Variants in IL16 observed in about 807,000 individuals in gnomAD.
The protein encoded by IL16 is pro-interleukin-16.
A neutral mutation model predicts 110.1 loss-of-function variants in IL16; 67 were observed. The observed-to-expected ratio is 0.61, with a 90% CI of 0.50 to 0.75. The LOEUF (loss-of-function observed/expected upper bound fraction) is 0.75. Ranked by LOEUF, IL16 falls within the 30% of genes least tolerant of loss-of-function variation. IL16 has a pLI of 0.00. For missense variants in IL16, 1,545 were observed against 1,655.0 expected (o/e 0.93, Z 1.15); for synonymous variants, 689 against 662.9 (o/e 1.04, Z -0.61).
chr15:81,294,745 A>C (rs17875492), intron 12 of IL16, among the ~76,000 whole-genome samples: 22,387 of 152,092 alleles, frequency 0.15, 2,043 homozygotes, highest in African/African-American at 0.26. Context: ...GCACGACATA[A>C]TTTTATTGGG....
chr15:81,210,149 T>C (rs1020853661), intron 1 of IL16, among the ~76,000 whole-genome samples: 6 of 152,230 alleles, frequency 3.9e-5, no homozygotes, highest in African/African-American at 1.4e-4. Context: ...TGGTTTTTGC[T>C]GGCGTTGTTG....
Position 81,273,792 on chromosome 15 carries a change from C to A in IL16, c.790+588C>A, listed in dbSNP as rs371753947. Among the ~76,000 whole-genome samples the A allele has an allele frequency of 4.6e-5, 7 of 152,060 alleles. No homozygotes were observed. In the East Asian group the frequency reaches 9.6e-4, roughly 21 times the overall value. ...GGGACCCTCTCTTCCACTCCCCACC[C>A]ACCTTTCTTCCATCAACCCACCCCC... On this transcript the variant is annotated intron_variant, in intron 6 of 18. Transcript: ENST00000683961.
intron 2 of IL16, among the ~76,000 whole-genome samples, chr15:81,235,435 G>A (rs1177306272): frequency 6.6e-6 from 1 of 152,058 alleles, no homozygotes; most frequent in African/African-American, 2.4e-5. Flanking sequence ...TTAACAACCA[G>A]ATCTCATGTG....
At chr15:81,226,951 A>G (rs1317799401) in intron 2 of IL16, among the ~76,000 whole-genome samples, 16 of 152,250 alleles carry the variant, frequency 1.1e-4, no homozygotes, top group Non-Finnish European at 2.4e-4. Context: ...GAATCCTAGA[A>G]TGGATTATTC....
intron 6 of IL16, among the ~76,000 whole-genome samples, chr15:81,274,324 T>C (rs1898796500): frequency 6.6e-6 from 1 of 152,236 alleles, no homozygotes; most frequent in Non-Finnish European, 1.5e-5. Flanking sequence ...TATTTTATGA[T>C]ATGTGGAAAT....
Position 81,225,679 on chromosome 15 carries a change from G to T in IL16, c.280G>T (p.Gly94Cys). 6.2e-7 allele frequency: 1 copy of T among 1,613,428 alleles called. No homozygotes were observed. ...AQLQAAGNDR[G>C]KTCRRIFFMK... Reference sequence around the variant, plus strand: ...ACTCCAAGCAGCTGGGAATGATCGAGGCAAGACCTGTAGGAGGATATTCTT... The same window carrying T: ...ACTCCAAGCAGCTGGGAATGATCGATGCAAGACCTGTAGGAGGATATTCTT... The change falls in exon 2 of 19, where the codon GGC becomes TGC. Residue 94 changes from glycine to cysteine, a missense_variant. Transcript: ENST00000683961.
chr15:81,292,445 A>C (rs765359090), intron 11 of IL16, 111 bp from the exon 12 acceptor site: 1 of 1,474,580 alleles, frequency 6.8e-7, no homozygotes. Flanking sequence ...TCAGATAAGA[A>C]GCAGATGGCC....
rs571040875 is a variant in IL16 at position 81,222,236 on chromosome 15, T to C, written c.-101-3063T>C. Among the ~76,000 whole-genome samples, 23 of 152,088 alleles carry C rather than the reference T, an allele frequency of 1.5e-4. No individual in the cohort carries two copies. The South Asian group carries it at 4.8e-3, about 32-fold the overall frequency. ...GGATGAAGGGGGCAGAGTTGAGGCC[T>C]TGACTGGGTATGATGGCTTCTCTCC... On this transcript the variant is annotated intron_variant, in intron 1 of 18. Coordinates refer to ENST00000683961, the MANE Select transcript of IL16 (RefSeq NM_172217.5).
chr15:81,243,367 TAGAG>T (rs1445592335), intron 2 of IL16, among the ~76,000 whole-genome samples: 1 of 150,624 alleles, frequency 6.6e-6, no homozygotes, highest in Admixed American at 6.6e-5. Context: ...GTTTTTTTTG[TAGAG>T]AGAGAATTTT....
intron 6 of IL16, among the ~76,000 whole-genome samples, chr15:81,277,767 A>G (rs1430350753): frequency 2.0e-5 from 3 of 152,204 alleles, no homozygotes; most frequent in Non-Finnish European, 2.9e-5. Flanking sequence ...ATCATATACA[A>G]TGGAACCATG....
In IL16 at chr15:81,292,624, G is replaced by C; in HGVS notation, c.1489G>C (p.Ala497Pro). Residue 497 changes from alanine (A) to proline (P), a missense_variant, in exon 12 of 19, where the codon GCA (alanine) becomes CCA (proline). Ala to Pro is a conservative substitution (Grantham distance 27, BLOSUM62 -1). Around this residue, in one of 3 missense-constraint regions of IL16, gnomAD observed 1,185 missense variants for 1,238.8 expected, o/e 0.96. Transcript: ENST00000683961. ...TLEKEREKNS[A>P]PPHRRAQKVM... ...GGAGAAGGAACGAGAGAAGAACTCA[G>C]CACCCCCGCATCGCAGGGCTCAGAA... 6.2e-7 allele frequency: 1 copy of C among 1,610,422 alleles called. No individual in the cohort carries two copies. Among genetic ancestry groups the C allele is most frequent in the Non-Finnish European group, 8.5e-7 (1 of 1,177,006 alleles).
In IL16 at chr15:81,265,280, G is replaced by T. The variant is rs146627793; in HGVS notation, c.422-379G>T. Among the ~76,000 whole-genome samples, 1,009 of 152,214 alleles carry T rather than the reference G, an allele frequency of 6.6e-3. 16 individuals are homozygous for T. Among genetic ancestry groups the T allele is most frequent in the African/African-American group, 0.023 (940 of 41,528 alleles). ...TTTGTGCTTGTCCTCGGAAACCTTT[G>T]TGTTTTCCTCCTTTCTCTCCTTGGT... On this transcript the variant is annotated intron_variant, in intron 3 of 18. Coordinates refer to ENST00000683961, the MANE Select transcript of IL16 (RefSeq NM_172217.5).
At chr15:81,257,997 G>C (rs577785014) in intron 2 of IL16, among the ~76,000 whole-genome samples, 4 of 151,996 alleles carry the variant, frequency 2.6e-5, no homozygotes, top group African/African-American at 7.2e-5. Context: ...CACACACACA[G>C]ACACACACAC....
upstream of IL16, among the ~76,000 whole-genome samples, chr15:81,192,094 T>C (rs1222713634): frequency 6.6e-6 from 1 of 152,182 alleles, no homozygotes; most frequent in Non-Finnish European, 1.5e-5. Context: ...CACAACACAA[T>C]GGGTGAACCA....
chr15:81,199,032 TATATATATA>T (rs1566990593), intron 1 of IL16, among the ~76,000 whole-genome samples: 2 of 110,194 alleles, frequency 1.8e-5, no homozygotes, highest in African/African-American at 6.3e-5. Flanking sequence ...AAAAAAAAAA[TATATATATA>T]TATATATATA....
chr15:81,249,682 C>T (rs1415644407), intron 2 of IL16, among the ~76,000 whole-genome samples: 3 of 151,862 alleles, frequency 2.0e-5, no homozygotes, highest in Non-Finnish European at 4.4e-5. Context: ...TTTAATTTAT[C>T]TTATTTGGGA....
Position 81,279,720 on chromosome 15 carries a change from A to G in IL16, c.1027A>G (p.Ile343Val). 6.2e-7 allele frequency: 1 copy of G among 1,614,250 alleles called. No individual in the cohort carries two copies. The highest frequency in any genetic ancestry group is 8.5e-7 in the Non-Finnish European group (1 of 1,180,036). Reference sequence around the variant, plus strand: ...CGCCTTGGAAAGCCCCTCGGCTCCCATCAGCACCGCCAAGCCCAATTACAG... The same window carrying G: ...CGCCTTGGAAAGCCCCTCGGCTCCCGTCAGCACCGCCAAGCCCAATTACAG... ...SFALESPSAPISTAKPNYRIM... is the reference protein window; with the variant it reads ...SFALESPSAPVSTAKPNYRIM... The change falls in exon 8 of 19, where the codon ATC becomes GTC. Residue 343 changes from isoleucine to valine, a missense_variant. This residue lies in a region of IL16 where 1,185 missense variants were observed against 1,238.8 expected (regional missense o/e 0.96). Coordinates refer to ENST00000683961, the MANE Select transcript of IL16 (RefSeq NM_172217.5).
chr15:81,189,967 G>C (rs189290495), intron 1 of IL16, among the ~76,000 whole-genome samples: 1 of 152,212 alleles, frequency 6.6e-6, no homozygotes, highest in African/African-American at 2.4e-5. Flanking sequence ...GACTGAAAGC[G>C]TGGGACAAAT....
Position 81,225,556 on chromosome 15 carries a change from A to C in IL16, c.157A>C (p.Lys53Gln), listed in dbSNP as rs747432359. Residue 53 changes from lysine (K) to glutamine (Q), a missense_variant, in exon 2 of 19, where the codon AAG becomes CAG. By Grantham distance (53) the Lys-to-Gln change is moderately conservative. Around this residue, in one of 3 missense-constraint regions of IL16, gnomAD observed 1,185 missense variants for 1,238.8 expected, o/e 0.96. Coordinates refer to ENST00000683961, the MANE Select transcript of IL16 (RefSeq NM_172217.5). The stretch of plus-strand genomic sequence containing the variant: ...CTTTGAGATTTCCTTGGCCCAGGGC[A>C]AGGAGGGAATTTTCCACTCATCTGT... ...DPFEISLAQG[K>Q]EGIFHSSVQL... The C allele has an allele frequency of 5.6e-6, 9 of 1,614,040 alleles. No individual in the cohort carries two copies. In the African/African-American group the frequency reaches 9.3e-5, roughly 17 times the overall value.
Sources: gnomAD v4.1 joint callset for allele counts (sites outside exome capture counted in the v4.1 genomes callset) on GRCh38, gnomAD v4.1.1 for gene constraint, gnomAD v4.1.1 regional missense constraint, MANE v1.5 for transcripts, NCBI Gene and HGNC (gene_info 2026-07-23, HGNC 2026-07-21) for gene names.